The following CA5A variants were observed in gnomAD, a reference collection of about 807,000 sequenced individuals.
CA5A encodes carbonic anhydrase 5A, mitochondrial.
Under a neutral mutation model 37.1 loss-of-function variants are expected in CA5A, and 28 were observed. The observed-to-expected ratio is 0.75, with a 90% CI of 0.56 to 1.03. The LOEUF (loss-of-function observed/expected upper bound fraction) is 1.03, where lower values mean the gene tolerates loss of function less well. Among genes scored for constraint, CA5A ranks in the 50% least tolerant of loss-of-function variants. The pLI is 0.00. For synonymous variants in CA5A, 171 were observed against 158.4 expected, an observed-to-expected ratio of 1.08 and a Z score of -0.60; for missense variants, 444 against 399.9, an observed-to-expected ratio of 1.11 and a Z score of -0.94.
chr16:87,922,548 A>C (rs1031846064), intron 2 of CA5A, among the ~76,000 whole-genome samples: 27 of 152,190 alleles, frequency 1.8e-4, no homozygotes, highest in African/African-American at 6.3e-4. Context: ...TCCCTGCTCC[A>C]CCGCCAACAG....
intron 1 of CA5A, among the ~76,000 whole-genome samples, chr16:87,932,172 A>C (rs2056415846): frequency 6.6e-6 from 1 of 151,886 alleles, no homozygotes; most frequent in Admixed American, 6.6e-5. Flanking sequence ...AACGGGAAGC[A>C]GGATTGAGTG....
At chr16:87,928,760 G>GTTTTTTTTTTTTTTTTTTTT (rs60994571) in intron 1 of CA5A, among the ~76,000 whole-genome samples, 1 of 57,924 alleles carries the variant, frequency 1.7e-5, no homozygotes, top group East Asian at 6.1e-4. Context: ...TCTTTTCTTT[G>GTTTTTTTTTTTTTTTTTTTT]TTTTTTTTTT....
In CA5A at chr16:87,926,835, C is replaced by A. The variant is rs138938647; in HGVS notation, c.253G>T (p.Val85Phe). 73 of 1,613,942 alleles carry A rather than the reference C, an allele frequency of 4.5e-5. No individual in the cohort carries two copies. The Middle Eastern group carries it at 8.2e-4, about 18-fold the overall frequency. Residue 85 changes from valine to phenylalanine, a missense_variant, in exon 2 of 7, where the codon GTC (valine) becomes TTC (phenylalanine). Transcript: ENST00000649794. ...VYDPQLKPLRVSYEAASCLYI... is the reference protein window; with the variant it reads ...VYDPQLKPLRFSYEAASCLYI... ...AGGCAGGATGCCGCTTCATAGGAGA[C>A]CCTGAGTGGCTTCAGCTGGGGGTCA...
At chr16:87,895,284 G>A (rs1379975212) in intron 5 of CA5A, among the ~76,000 whole-genome samples, 2 of 152,104 alleles carry the variant, frequency 1.3e-5, no homozygotes, top group African/African-American at 4.8e-5. Context: ...GGTGGCTCAC[G>A]CCTGTAATCC....
intron 2 of CA5A, chr16:87,925,490 A>ATAG (rs1428977353): frequency 6.6e-6 from 1 of 152,304 alleles, no homozygotes; most frequent in African/African-American, 2.4e-5. Context: ...AGCTGTTCAC[A>ATAG]TAGGCACCTG....
chr16:87,889,918 C>A (rs964920904), intron 6 of CA5A, among the ~76,000 whole-genome samples: 3 of 152,278 alleles, frequency 2.0e-5, no homozygotes, highest in Non-Finnish European at 4.4e-5. Context: ...TGACAGCATA[C>A]TGGTCCAGTT....
At chr16:87,888,646 T>G (rs1412428377) in intron 6 of CA5A, among the ~76,000 whole-genome samples, 1 of 152,198 alleles carries the variant, frequency 6.6e-6, no homozygotes, top group African/African-American at 2.4e-5. Flanking sequence ...GCTTTCAGAT[T>G]GCTACAGTCC....
intron 1 of CA5A, among the ~76,000 whole-genome samples, chr16:87,932,448 G>C (rs1398840969): frequency 6.6e-6 from 1 of 152,162 alleles, no homozygotes; most frequent in Non-Finnish European, 1.5e-5. Context: ...CTCAGCGTGT[G>C]TCACCCAACA....
chr16:87,925,380 G>C (rs1381263185), intron 2 of CA5A, among the ~76,000 whole-genome samples: 11 of 152,314 alleles, frequency 7.2e-5, no homozygotes, highest in Admixed American at 3.9e-4. Context: ...GGACAGGACG[G>C]ACTTAATTCT....
chr16:87,930,521 G>A (rs990078550), intron 1 of CA5A, among the ~76,000 whole-genome samples: 7 of 152,098 alleles, frequency 4.6e-5, no homozygotes, highest in Non-Finnish European at 8.8e-5. Context: ...AGACCCAGGC[G>A]CCTGGCTTCC....
At chr16:87,884,567 C>CAAA (rs1213285823), downstream of CA5A, 15,421 of 111,450 alleles carry the variant, frequency 0.14, 1,183 homozygotes, top group African/African-American at 0.26. Context: ...AACTCTGTCT[C>CAAA]AAAAAAAAAA....
chr16:87,901,300 C>T (rs944952893), intron 5 of CA5A, among the ~76,000 whole-genome samples: 2 of 152,184 alleles, frequency 1.3e-5, no homozygotes, highest in Non-Finnish European at 2.9e-5. Context: ...ATATGTCAAA[C>T]GTCTTCAGGA....
chr16:87,899,295 CTTTTTTTTTTTT>C (rs774174056), intron 5 of CA5A, among the ~76,000 whole-genome samples: 1,633 of 85,890 alleles, frequency 0.019, 36 homozygotes, highest in African/African-American at 0.073. Context: ...CTCCTAAGGT[CTTTTTTTTTTTT>C]TTTTTTTTTT....
rs748855271 is a variant in CA5A, at chr16:87,926,963, G to A, written c.143-18C>T. 2.0e-6 allele frequency: 3 copies of A among 1,505,276 alleles called. No homozygotes were observed. In the East Asian group the frequency reaches 7.2e-5, roughly 36 times the overall value. 93.2% of individuals were successfully genotyped at this position (1,505,276 alleles called of 1,614,324 possible). On this transcript the variant is annotated intron_variant, in intron 1 of 6. Coordinates refer to ENST00000649794, the MANE Select transcript of CA5A (RefSeq NM_001739.2). Reference sequence around the variant, plus strand: ...TGGGTGCACTGCAGGGAGAGAGACGGAGACCCTGAGTGAGGCATGAGCTTC... The same window carrying A: ...TGGGTGCACTGCAGGGAGAGAGACGAAGACCCTGAGTGAGGCATGAGCTTC...
intron 2 of CA5A, among the ~76,000 whole-genome samples, chr16:87,917,669 A>G (rs959141147): frequency 1.1e-5 from 1 of 94,862 alleles, no homozygotes; most frequent in African/African-American, 5.2e-5. Flanking sequence ...ACATAGAGAC[A>G]CATGCACACA....
intron 5 of CA5A, 144 bp from the exon 6 acceptor site, chr16:87,892,098 T>G: frequency 1.5e-6 from 1 of 645,962 alleles, no homozygotes; most frequent in South Asian, 2.4e-5. Context: ...CTGTCACACT[T>G]GCAAGCAGTG....
chr16:87,888,159 G>A lies in CA5A; in HGVS notation c.888C>T (p.Phe296=). 6.2e-7 allele frequency: 1 copy of A among 1,613,862 alleles called. No individual in the cohort carries two copies. The highest frequency in any genetic ancestry group is 8.5e-7 in the Non-Finnish European group (1 of 1,179,786). ...ACCTTGTGCCCTCATTAGTGGCCTG[G>A]AAGGACGCCCAGACCTTCCGGTTCA... ...PLMNRKVWAS[F]QATNEGTRS Residue 296 remains phenylalanine, a synonymous_variant, in exon 7 of 7, where the codon TTC becomes TTT. Coordinates refer to ENST00000649794, the MANE Select transcript of CA5A (RefSeq NM_001739.2).
chr16:87,899,919 C>CAAAAAAA lies in CA5A; in HGVS notation c.618+1986_618+1992dup, dbSNP rs565557401. Among the ~76,000 whole-genome samples, 59 of 46,532 alleles carry CAAAAAAA rather than the reference C, an allele frequency of 1.3e-3. 2 individuals carry two copies. Among genetic ancestry groups the CAAAAAAA allele is most frequent in the African/African-American group, 4.2e-3 (51 of 12,272 alleles). The allele number at this position is 46,532 out of a possible 152,430, so 30.5% of individuals were successfully genotyped here. A position where few individuals can be genotyped will look rare whatever the true frequency, so the allele number is the denominator to read the frequency against. On this transcript the variant is annotated intron_variant, in intron 5 of 6. Coordinates refer to ENST00000649794, the MANE Select transcript of CA5A (RefSeq NM_001739.2). ...TGGGCAACAGAGCGAGATTTTATCT[C>CAAAAAAA]AAAAAAAAAAAAAAAAAAAAAAAAA...
chr16:87,918,675 T>C (rs985629485), intron 2 of CA5A, among the ~76,000 whole-genome samples: 1 of 152,226 alleles, frequency 6.6e-6, no homozygotes, highest in South Asian at 2.1e-4. Flanking sequence ...CTCCCTTCCC[T>C]TTCTCTTATG....
Sources: gnomAD v4.1 joint callset for allele counts (sites outside exome capture counted in the v4.1 genomes callset) on GRCh38, gnomAD v4.1.1 for gene constraint, MANE v1.5 for transcripts, NCBI Gene and HGNC (gene_info 2026-07-23, HGNC 2026-07-21) for gene names.